Variants in FAS observed in about 807,000 individuals in gnomAD.
FAS encodes the protein Fas cell surface death receptor.
Under a neutral mutation model 33.2 loss-of-function variants are expected in FAS, and 5 were observed. The ratio of observed to expected loss-of-function variants is 0.15; its 90% confidence interval spans 0.08 to 0.32. FAS has a LOEUF of 0.32. FAS is among the 10% of genes least tolerant of loss of function. FAS has a pLI of 1.00. For missense variants in FAS, 339 were observed against 386.0 expected (o/e 0.88, Z 1.02); for synonymous variants, 131 against 130.7 (o/e 1.00, Z -0.01).
At chr10:89,007,624 G>C in intron 2 of FAS, 76 bp from the exon 3 acceptor site, 1 of 1,548,870 alleles carries the variant, frequency 6.5e-7, no homozygotes, top group Non-Finnish European at 8.8e-7. Flanking sequence ...TTTATTGTCT[G>C]TCATCCCTCT....
chr10:88,972,251 G>A (rs1300980262), intron 1 of FAS, among the ~76,000 whole-genome samples: 1 of 152,080 alleles, frequency 6.6e-6, no homozygotes, highest in Non-Finnish European at 1.5e-5. Context: ...ATGAAACAAG[G>A]TCCTCAATTG....
upstream of FAS, chr10:88,989,664 G>C: frequency 2.1e-6 from 1 of 466,476 alleles, no homozygotes; most frequent in Non-Finnish European, 4.3e-6. Flanking sequence ...GCCCAAACAG[G>C]CTCCAGAAGA....
chr10:88,969,484 G>GAGACTTTC (rs1015706597), intron 1 of FAS, among the ~76,000 whole-genome samples: 5 of 152,168 alleles, frequency 3.3e-5, no homozygotes, highest in African/African-American at 1.2e-4. Context: ...TTGTGCAAAG[G>GAGACTTTC]AGACTTTCAG....
intron 2 of FAS, among the ~76,000 whole-genome samples, chr10:88,975,642 AT>A (rs564584574): frequency 0.017 from 2,477 of 148,792 alleles, 69 homozygotes; most frequent in African/African-American, 0.056. Flanking sequence ...TGAGAGTAGG[AT>A]TTTTTTTTTT....
intron 2 of FAS, among the ~76,000 whole-genome samples, chr10:88,978,677 C>T (rs1846634048): frequency 6.6e-6 from 1 of 152,146 alleles, no homozygotes; most frequent in African/African-American, 2.4e-5. Context: ...TGCACCACGG[C>T]TCCAGCTCAC....
chr10:89,010,729 A>C, intron 5 of FAS, 24 bp from the exon 6 acceptor site: 1 of 1,613,946 alleles, frequency 6.2e-7, no homozygotes. Flanking sequence ...TTTCATATAA[A>C]ATGTCCAATG....
chr10:89,014,594 T>A lies in FAS; in HGVS notation c.*144T>A, dbSNP rs947103156. The A allele has an allele frequency of 1.2e-6, 1 of 832,246 alleles. No homozygotes were observed. Among genetic ancestry groups the A allele is most frequent in the Non-Finnish European group, 2.0e-6 (1 of 506,642 alleles). 51.6% of individuals were successfully genotyped at this position (832,246 alleles called of 1,614,324 possible). A position where few individuals can be genotyped will look rare whatever the true frequency, so the allele number is the denominator to read the frequency against. On this transcript the variant is annotated 3_prime_UTR_variant, in exon 9 of 9. Transcript: ENST00000652046. The stretch of plus-strand genomic sequence containing the variant: ...CTGAAGAGCCAACATATTTGTAGAT[T>A]TTTAATATCTCATGATTCTGCCTCC...
intron 1 of FAS, among the ~76,000 whole-genome samples, chr10:88,965,044 T>C (rs575814175): frequency 6.6e-6 from 1 of 152,320 alleles, no homozygotes; most frequent in East Asian, 1.9e-4. Flanking sequence ...CCTTTTCTTC[T>C]TCTGCCAAAT....
intron 1 of FAS, among the ~76,000 whole-genome samples, chr10:88,964,076 G>A (rs561356147): frequency 2.0e-5 from 3 of 151,508 alleles, no homozygotes; most frequent in African/African-American, 4.8e-5. Flanking sequence ...TCTATAATTT[G>A]TGTATTTTGT....
At chr10:88,992,192 T>C (rs1475772536) in intron 1 of FAS, among the ~76,000 whole-genome samples, 1 of 152,184 alleles carries the variant, frequency 6.6e-6, no homozygotes, top group Non-Finnish European at 1.5e-5. Context: ...GAGGCTGAGA[T>C]GTCTGGGTCC....
At chr10:89,001,323 T>G (rs536953145) in intron 1 of FAS, among the ~76,000 whole-genome samples, 30 of 151,220 alleles carry the variant, frequency 2.0e-4, no homozygotes, top group Admixed American at 1.2e-3. Context: ...TGAACTTCAA[T>G]AAAAACAGGG....
At chr10:89,007,568 T>C (rs1488014027) in intron 2 of FAS, 132 bp from the exon 3 acceptor site, 4 of 1,171,110 alleles carry the variant, frequency 3.4e-6, no homozygotes, top group Non-Finnish European at 4.9e-6. Context: ...CCATTGTATT[T>C]ATATCTCATT....
upstream of FAS, among the ~76,000 whole-genome samples, chr10:88,988,093 G>A (rs779184902): frequency 2.4e-4 from 36 of 152,286 alleles, no homozygotes; most frequent in Middle Eastern, 0.014. Flanking sequence ...ACAATCACGT[G>A]AGCCAACTCC....
rs757231587 is a variant in FAS, at chr10:89,015,139, T to C, written c.*689T>C. On this transcript the variant is annotated 3_prime_UTR_variant, in exon 9 of 9. Transcript: ENST00000652046. The stretch of plus-strand genomic sequence containing the variant: ...TGCATTTTACTGGCTCAAAACTACC[T>C]ACTTCTTTCTCAGGCATCAAAAGCA... 7.5e-6 allele frequency: 4 copies of C among 534,890 alleles called. 1 individual carries two copies. Among genetic ancestry groups the C allele is most frequent in the South Asian group, 6.1e-5 (4 of 65,176 alleles). The allele number at this position is 534,890 out of a possible 1,614,324, so 33.1% of individuals were successfully genotyped here.
chr10:89,006,560 C>T (rs1276236816), intron 2 of FAS, among the ~76,000 whole-genome samples: 1 of 152,188 alleles, frequency 6.6e-6, no homozygotes, highest in African/African-American at 2.4e-5. Flanking sequence ...CAATTAGAGT[C>T]ACTAGTAATG....
chr10:88,984,157 A>G (rs1026532763), upstream of FAS, among the ~76,000 whole-genome samples: 2 of 152,242 alleles, frequency 1.3e-5, no homozygotes, highest in African/African-American at 2.4e-5. Flanking sequence ...AACACTTGTT[A>G]AACTATAGGA....
chr10:89,007,934 A>G, intron 3 of FAS, 97 bp downstream of exon 3: 2 of 1,568,230 alleles, frequency 1.3e-6, no homozygotes, highest in Non-Finnish European at 1.7e-6. Context: ...CTGTGGTGCT[A>G]TGTTGACACA....
Position 89,014,723 on chromosome 10 carries a change from G to A in FAS, c.*273G>A, listed in dbSNP as rs1171397410. On this transcript the variant is annotated 3_prime_UTR_variant, in exon 9 of 9. Transcript: ENST00000652046. The stretch of plus-strand genomic sequence containing the variant: ...GTGTATGCAGAGGATGAAAGATTAA[G>A]ATTATGCTCTGGCATCTAACATATG... 3 of 616,550 alleles carry A rather than the reference G, an allele frequency of 4.9e-6. No homozygotes were observed. The highest frequency in any genetic ancestry group is 9.1e-6 in the Non-Finnish European group (3 of 331,440). 38.2% of individuals were successfully genotyped at this position (616,550 alleles called of 1,614,324 possible). A position where few individuals can be genotyped will look rare whatever the true frequency, so the allele number is the denominator to read the frequency against.
At chr10:89,008,142 A>T (rs967077858) in intron 3 of FAS, among the ~76,000 whole-genome samples, 1 of 152,208 alleles carries the variant, frequency 6.6e-6, no homozygotes, top group African/African-American at 2.4e-5. Flanking sequence ...ACTTACGCTT[A>T]TATAATGGTG....
Sources: gnomAD v4.1 joint callset for allele counts (sites outside exome capture counted in the v4.1 genomes callset) on GRCh38, gnomAD v4.1.1 for gene constraint, MANE v1.5 for transcripts, NCBI Gene and HGNC (gene_info 2026-07-23, HGNC 2026-07-21) for gene names.